The following FIGN variants were observed in gnomAD, a reference collection of about 807,000 sequenced individuals.
FIGN encodes fidgetin, microtubule severing factor.
FIGN carries 11 observed loss-of-function variants against 51.3 expected under a neutral mutation model. The observed-to-expected ratio is 0.21, with a 90% confidence interval of 0.13 to 0.35. FIGN has a LOEUF of 0.35. Ranked by LOEUF, FIGN falls within the 10% of genes least tolerant of loss-of-function variation. The pLI is 1.00. For synonymous variants in FIGN, 407 were observed against 363.2 expected (o/e 1.12, Z -1.37); for missense variants, 857 against 943.6 (o/e 0.91, Z 1.20).
At chr2:163,636,844 C>T (rs1041527949) in intron 2 of FIGN, among the ~76,000 whole-genome samples, 1 of 151,864 alleles carries the variant, frequency 6.6e-6, no homozygotes, top group Non-Finnish European at 1.5e-5. Flanking sequence ...AAATAAAACA[C>T]TCTTAATTAT....
intron 2 of FIGN, among the ~76,000 whole-genome samples, chr2:163,696,067 T>C (rs1684314226): frequency 6.6e-6 from 1 of 151,980 alleles, no homozygotes; most frequent in Non-Finnish European, 1.5e-5. Flanking sequence ...GCCAAGATCA[T>C]GCCACTGCAC....
chr2:163,617,681 T>C (rs1573906143), intron 2 of FIGN, among the ~76,000 whole-genome samples: 1 of 152,136 alleles, frequency 6.6e-6, no homozygotes, highest in Non-Finnish European at 1.5e-5. Flanking sequence ...CGGTGAAAAT[T>C]CCAGCCTGTA....
At position 163,700,556 on chromosome 2, in the gene FIGN, GT is replaced by G. The variant is rs1233966720; in HGVS notation, c.25+34346del. ...ATGAAATCCAGAATTCAGAGGCTAG[GT>G]TGCAGCAATGTCATAATAGGCTATG... On this transcript the variant is annotated intron_variant, in intron 2 of 2. Coordinates refer to ENST00000333129, the MANE Select transcript of FIGN (RefSeq NM_018086.4). Among the ~76,000 whole-genome samples, 3 of 152,148 alleles carry G rather than the reference GT, an allele frequency of 2.0e-5. No homozygotes were observed. The East Asian group carries it at 5.8e-4, about 29-fold the overall frequency.
At chr2:163,624,155 T>C (rs997166765) in intron 2 of FIGN, among the ~76,000 whole-genome samples, 1 of 152,134 alleles carries the variant, frequency 6.6e-6, no homozygotes, top group African/African-American at 2.4e-5. Flanking sequence ...CATTCCCTTA[T>C]GCTTTCTGAA....
At chr2:163,634,616 G>C (rs1250758152) in intron 2 of FIGN, among the ~76,000 whole-genome samples, 1 of 152,118 alleles carries the variant, frequency 6.6e-6, no homozygotes, top group African/African-American at 2.4e-5. Context: ...CAAAATCTAT[G>C]AACTTGTAAT....
rs1391635505 is a variant in FIGN, at chr2:163,608,719, C to A, written c.*833G>T. The A allele has an allele frequency of 6.6e-6, 1 of 152,516 alleles. No individual in the cohort carries two copies. Among genetic ancestry groups the A allele is most frequent in the East Asian group, 1.9e-4 (1 of 5,196 alleles). 9.4% of individuals were successfully genotyped at this position (152,516 alleles called of 1,614,324 possible). On this transcript the variant is annotated 3_prime_UTR_variant, in exon 3 of 3. Coordinates refer to ENST00000333129, the MANE Select transcript of FIGN (RefSeq NM_018086.4). ...AGAACTTAAAAAAATCCTTCCATTT[C>A]TACTTTAAACTGTAAATATTCAGTT...
intron 2 of FIGN, among the ~76,000 whole-genome samples, chr2:163,714,841 AT>A (rs1054618602): frequency 1.3e-4 from 20 of 152,354 alleles, no homozygotes; most frequent in African/African-American, 4.6e-4. Context: ...ATACATTCAC[AT>A]TCAAAAGTTT....
rs559622182 is a variant in FIGN at position 163,688,874 on chromosome 2, A to G, written c.25+46029T>C. Among the ~76,000 whole-genome samples the G allele has an allele frequency of 3.9e-5, 6 of 152,304 alleles. No individual in the cohort carries two copies. The East Asian group carries it at 5.8e-4, about 15-fold the overall frequency. ...TGTAAAGCAAATAGCACATCGGATA[A>G]TATACAACAATGAGGCTGGGTGCAG... On this transcript the variant is annotated intron_variant, in intron 2 of 2. Transcript: ENST00000333129.
intron 2 of FIGN, among the ~76,000 whole-genome samples, chr2:163,722,213 A>C (rs7565360): frequency 2.0e-5 from 3 of 152,150 alleles, no homozygotes; most frequent in Non-Finnish European, 1.5e-5. Flanking sequence ...CAATTAAAAT[A>C]TTAACCAAAG....
intron 2 of FIGN, among the ~76,000 whole-genome samples, chr2:163,692,738 A>G (rs757360202): frequency 1.6e-4 from 25 of 152,310 alleles, no homozygotes; most frequent in South Asian, 6.2e-4. Flanking sequence ...GAAAAAAACA[A>G]ACGAGCAAAT....
At chr2:163,695,571 T>C (rs1435412797) in intron 2 of FIGN, among the ~76,000 whole-genome samples, 1 of 152,178 alleles carries the variant, frequency 6.6e-6, no homozygotes, top group Non-Finnish European at 1.5e-5. Context: ...CCATAAAATT[T>C]GTTGTCCAAA....
chr2:163,704,316 T>C (rs955593148), intron 2 of FIGN, among the ~76,000 whole-genome samples: 1 of 152,052 alleles, frequency 6.6e-6, no homozygotes, highest in African/African-American at 2.4e-5. Flanking sequence ...GATGAAATGT[T>C]TCTCTACTTT....
rs543828463 is a variant in FIGN at position 163,717,608 on chromosome 2, C to T, written c.25+17295G>A. 3.9e-5 allele frequency among the ~76,000 whole-genome samples: 6 copies of T among 151,948 alleles called. No homozygotes were observed. In the South Asian group the frequency reaches 6.2e-4, roughly 16 times the overall value. ...TTAAACAAGACCAAGTGTTTTTTGT[C>T]GGCTTAAGGGTGATATCATAGTTGT... On this transcript the variant is annotated intron_variant, in intron 2 of 2. Transcript: ENST00000333129.
At chr2:163,711,827 G>T (rs992420740) in intron 2 of FIGN, among the ~76,000 whole-genome samples, 2 of 152,146 alleles carry the variant, frequency 1.3e-5, no homozygotes, top group African/African-American at 4.8e-5. Context: ...TGAGGTTAGA[G>T]GAAATGCATA....
intron 2 of FIGN, among the ~76,000 whole-genome samples, chr2:163,712,373 A>G (rs1330440983): frequency 1.3e-5 from 2 of 152,208 alleles, no homozygotes; most frequent in African/African-American, 4.8e-5. Flanking sequence ...AAGTTAAAAA[A>G]CAAAAAAAGG....
At chr2:163,687,012 T>TAC (rs547589971) in intron 2 of FIGN, among the ~76,000 whole-genome samples, 1,776 of 147,752 alleles carry the variant, frequency 0.012, 24 homozygotes, top group African/African-American at 0.033. Context: ...TGAGATTGTG[T>TAC]ACACACACAC....
chr2:163,682,740 G>C (rs1684085682), intron 2 of FIGN, among the ~76,000 whole-genome samples: 1 of 152,152 alleles, frequency 6.6e-6, no homozygotes, highest in Non-Finnish European at 1.5e-5. Context: ...TCATTCAAGT[G>C]TTCATTCAAC....
chr2:163,643,565 C>T (rs1416538085), intron 2 of FIGN, among the ~76,000 whole-genome samples: 1 of 151,106 alleles, frequency 6.6e-6, no homozygotes, highest in Non-Finnish European at 1.5e-5. Context: ...ACAAGAGAAT[C>T]GCTTGAACCT....
chr2:163,650,962 A>G (rs1169203865), intron 2 of FIGN, among the ~76,000 whole-genome samples: 1 of 152,226 alleles, frequency 6.6e-6, no homozygotes, highest in African/African-American at 2.4e-5. Flanking sequence ...AGCTAAAGAA[A>G]TAGTTTCTGT....
Sources: gnomAD v4.1 joint callset for allele counts (sites outside exome capture counted in the v4.1 genomes callset) on GRCh38, gnomAD v4.1.1 for gene constraint, MANE v1.5 for transcripts, NCBI Gene and HGNC (gene_info 2026-07-23, HGNC 2026-07-21) for gene names.